ARHGEF28: variants seen among roughly 807,000 people sequenced by gnomAD.
ARHGEF28 encodes Rho guanine nucleotide exchange factor 28, also known as 190 kDa guanine nucleotide exchange factor.
Under a neutral mutation model 206.6 loss-of-function variants are expected in ARHGEF28, and 152 were observed. The observed-to-expected ratio is 0.74, with a 90% CI of 0.64 to 0.84. The LOEUF is 0.84. ARHGEF28 is among the 40% of genes least tolerant of loss of function. The probability of loss-of-function intolerance (pLI) is 0.00; values close to 1 mark genes in which losing one functional copy is unlikely to be tolerated. For missense variants in ARHGEF28, 2,028 were observed against 2,073.2 expected (o/e 0.98, Z 0.42); for synonymous variants, 763 against 776.4 (o/e 0.98, Z 0.29).
chr5:73,813,248 C>T (rs1157378136), intron 9 of ARHGEF28, among the ~76,000 whole-genome samples: 2 of 152,150 alleles, frequency 1.3e-5, no homozygotes, highest in Non-Finnish European at 2.9e-5. Context: ...TTTCCATTTC[C>T]AGCAACCAGA....
intron 14 of ARHGEF28, among the ~76,000 whole-genome samples, chr5:73,855,764 T>G (rs1269734043): frequency 6.6e-6 from 1 of 152,042 alleles, no homozygotes; most frequent in African/African-American, 2.4e-5. Flanking sequence ...TGTCGTGTTG[T>G]AGAAGTATGA....
At chr5:73,726,530 C>T (rs565555798) in intron 2 of ARHGEF28, among the ~76,000 whole-genome samples, 1 of 152,234 alleles carries the variant, frequency 6.6e-6, no homozygotes, top group Admixed American at 6.5e-5. Context: ...AATTGATTGG[C>T]CCACAAATAG....
chr5:73,632,666 A>G (rs1236308602), intron 1 of ARHGEF28, among the ~76,000 whole-genome samples: 1 of 152,228 alleles, frequency 6.6e-6, no homozygotes, highest in Non-Finnish European at 1.5e-5. Context: ...GAGGTTAGAA[A>G]ATAAAAATCT....
chr5:73,672,257 G>T (rs1746393250), intron 1 of ARHGEF28, among the ~76,000 whole-genome samples: 3 of 152,100 alleles, frequency 2.0e-5, no homozygotes, highest in Admixed American at 2.0e-4. Context: ...GATGACGTTT[G>T]CTCTTTCTGG....
intron 27 of ARHGEF28, 139 bp downstream of exon 27, chr5:73,892,369 C>T: frequency 1.1e-6 from 1 of 895,178 alleles, no homozygotes; most frequent in Non-Finnish European, 1.7e-6. Flanking sequence ...CCTGCGATAG[C>T]CCCCCATCTG....
chr5:73,925,570 G>C (rs1763750847), intron 35 of ARHGEF28, among the ~76,000 whole-genome samples: 1 of 152,150 alleles, frequency 6.6e-6, no homozygotes, highest in Non-Finnish European at 1.5e-5. Context: ...AGAATATCAA[G>C]GCACAGAGCA....
In ARHGEF28 at chr5:73,855,957, C is replaced by T. The variant is rs1279375653; in HGVS notation, c.1791-1699C>T. Among the ~76,000 whole-genome samples, 4 of 152,256 alleles carry T rather than the reference C, an allele frequency of 2.6e-5. No homozygotes were observed. The East Asian group carries it at 7.7e-4, about 29-fold the overall frequency. ...AAGTACAAAAGGGGCTTCTTGACCT[C>T]AAAATCCACAGTGACCTAACCATTC... On this transcript the variant is annotated intron_variant, in intron 14 of 35. Transcript: ENST00000513042.
rs1479183836 is a variant in ARHGEF28 at position 73,911,552 on chromosome 5, G to C, written c.4925G>C (p.Ser1642Thr). 2 of 1,607,078 alleles carry C rather than the reference G, an allele frequency of 1.2e-6. No individual in the cohort carries two copies. The highest frequency in any genetic ancestry group is 4.5e-5 in the East Asian group (2 of 44,774). Residue 1642 changes from serine (S) to threonine (T), a missense_variant, in exon 35 of 36, where the codon AGC becomes ACC. Coordinates refer to ENST00000513042, the MANE Select transcript of ARHGEF28 (RefSeq NM_001177693.2). The stretch of plus-strand genomic sequence containing the variant: ...CATCAGATACTTCCTTTCCATGAAA[G>C]CAGCAAGGATTCTTGTAAAAATGGT... ...SGHQILPFHE[S>T]SKDSCKNDLD...
chr5:73,630,593 G>A (rs1400152901), intron 1 of ARHGEF28, among the ~76,000 whole-genome samples: 2 of 152,198 alleles, frequency 1.3e-5, no homozygotes, highest in African/African-American at 4.8e-5. Flanking sequence ...AGAAGGTAGT[G>A]AGATGTCAGT....
At chr5:73,853,655 A>G (rs760606460) in intron 14 of ARHGEF28, among the ~76,000 whole-genome samples, 6 of 152,226 alleles carry the variant, frequency 3.9e-5, no homozygotes, top group African/African-American at 9.7e-5. Context: ...GACAATGGCA[A>G]TGAGGATGAT....
intron 14 of ARHGEF28, among the ~76,000 whole-genome samples, chr5:73,856,329 C>T (rs1026930698): frequency 1.3e-5 from 2 of 152,176 alleles, no homozygotes; most frequent in Admixed American, 6.5e-5. Flanking sequence ...CTATTCACTT[C>T]CTTTTCCTTC....
intron 7 of ARHGEF28, among the ~76,000 whole-genome samples, chr5:73,782,337 G>A (rs905248502): frequency 9.9e-5 from 15 of 152,100 alleles, no homozygotes; most frequent in Non-Finnish European, 2.1e-4. Context: ...TACTCGGGAG[G>A]CTGAGACAAG....
chr5:73,736,256 ATGC>A (rs1434082010), intron 2 of ARHGEF28, among the ~76,000 whole-genome samples: 2 of 152,202 alleles, frequency 1.3e-5, no homozygotes, highest in Non-Finnish European at 2.9e-5. Flanking sequence ...GAGCCAATCA[ATGC>A]ACCGGGCTGT....
At chr5:73,632,833 G>A (rs1467054665) in intron 1 of ARHGEF28, among the ~76,000 whole-genome samples, 1 of 152,060 alleles carries the variant, frequency 6.6e-6, no homozygotes, top group African/African-American at 2.4e-5. Context: ...TGACACCAGG[G>A]ATTCGTGTTG....
rs1288048668 is a variant in ARHGEF28, at chr5:73,692,045, TCTTTAG to T, written c.33+7167_33+7172del. ...CTTTCAGAAATATTTAATGTCTATT[TCTTTAG>T]CTTTAATAACTGATAATTATGTAGC... On this transcript the variant is annotated intron_variant, in intron 2 of 35. Coordinates refer to ENST00000513042, the MANE Select transcript of ARHGEF28 (RefSeq NM_001177693.2). 1.4e-4 allele frequency among the ~76,000 whole-genome samples: 21 copies of T among 152,342 alleles called. No individual in the cohort carries two copies. In the East Asian group the frequency reaches 1.5e-3, roughly 11 times the overall value.
chr5:73,891,619 G>A (rs550337696), intron 26 of ARHGEF28, among the ~76,000 whole-genome samples: 1 of 151,780 alleles, frequency 6.6e-6, no homozygotes, highest in East Asian at 2.0e-4. Context: ...CTGCCTCCCA[G>A]GTTCAAGCAA....
chr5:73,869,799 T>C (rs1351251479), intron 20 of ARHGEF28, among the ~76,000 whole-genome samples: 1 of 152,076 alleles, frequency 6.6e-6, no homozygotes, highest in Non-Finnish European at 1.5e-5. Context: ...TTCTTGCTAC[T>C]TGGGAGGCTG....
intron 5 of ARHGEF28, among the ~76,000 whole-genome samples, chr5:73,775,057 G>A (rs1320023041): frequency 6.6e-6 from 1 of 152,116 alleles, no homozygotes; most frequent in African/African-American, 2.4e-5. Flanking sequence ...ATCAGCCAAG[G>A]GGCAAGCCTA....
chr5:73,897,890 C>CAATT (rs1203083503), intron 29 of ARHGEF28, 72 bp from the exon 30 acceptor site: 30 of 1,478,724 alleles, frequency 2.0e-5, no homozygotes, highest in Non-Finnish European at 2.6e-5. Flanking sequence ...TGCGATTTGC[C>CAATT]AATTCCTGGT....
Sources: gnomAD v4.1 joint callset for allele counts (sites outside exome capture counted in the v4.1 genomes callset) on GRCh38, gnomAD v4.1.1 for gene constraint, MANE v1.5 for transcripts, NCBI Gene and HGNC (gene_info 2026-07-23, HGNC 2026-07-21) for gene names.